PLEKHM2: variants seen among roughly 807,000 people sequenced by gnomAD.
PLEKHM2 encodes the protein pleckstrin homology domain-containing family M member 2.
In PLEKHM2, 77 loss-of-function variants were observed where a neutral mutation model predicts 116.3. The observed-to-expected ratio is 0.66, with a 90% CI of 0.55 to 0.80. The LOEUF (loss-of-function observed/expected upper bound fraction) is 0.80, where lower values mean the gene tolerates loss of function less well. PLEKHM2 is among the 30% of genes least tolerant of loss of function. The pLI is 0.00. For missense variants in PLEKHM2, 1,183 were observed against 1,354.9 expected, an observed-to-expected ratio of 0.87 and a Z score of 1.99; for synonymous variants, 562 against 571.0, an observed-to-expected ratio of 0.98 and a Z score of 0.22.
chr1:15,700,439 G>A (rs1011965311), intron 1 of PLEKHM2, among the ~76,000 whole-genome samples: 1 of 152,150 alleles, frequency 6.6e-6, no homozygotes, highest in Non-Finnish European at 1.5e-5. Flanking sequence ...GCTGGCCAGA[G>A]CTAGGGTGTG....
rs999644968 is a variant in PLEKHM2, at chr1:15,729,530, G to A, written c.2076-267G>A. Among the ~76,000 whole-genome samples the A allele has an allele frequency of 2.6e-5, 4 of 152,152 alleles. No individual in the cohort carries two copies. The highest frequency in any genetic ancestry group is 4.8e-5 in the African/African-American group (2 of 41,426). On this transcript the variant is annotated intron_variant, in intron 13 of 19. Transcript: ENST00000375799. This position sits in a 1 kb window ranked among gnomAD's most constrained non-coding sequence, Gnocchi z 4.7. ...GTGGCTCAAGGTCCCACCCGTTGAC[G>A]TCCTGCCCACCCTCTTTGTCTGTCT... is the stretch of plus-strand genomic sequence containing the variant.
chr1:15,698,551 T>TTC (rs1491053115), intron 1 of PLEKHM2, among the ~76,000 whole-genome samples: 90 of 73,366 alleles, frequency 1.2e-3, no homozygotes, highest in Middle Eastern at 6.5e-3. Context: ...CTTTCTTTCT[T>TTC]TTTTTTTTTT....
chr1:15,681,939 T>C (rs1263172394), upstream of PLEKHM2, among the ~76,000 whole-genome samples: 1 of 152,210 alleles, frequency 6.6e-6, no homozygotes, highest in East Asian at 1.9e-4. Flanking sequence ...ACATGATGGC[T>C]CATGCCCGTA....
At chr1:15,690,592 A>G (rs1456743388) in intron 1 of PLEKHM2, among the ~76,000 whole-genome samples, 3 of 152,200 alleles carry the variant, frequency 2.0e-5, no homozygotes, top group South Asian at 2.1e-4. Context: ...ATGTGTTCAT[A>G]TGAAAAAGTC....
intron 8 of PLEKHM2, among the ~76,000 whole-genome samples, chr1:15,726,410 C>G (rs993206341): frequency 2.0e-4 from 31 of 152,164 alleles, no homozygotes; most frequent in African/African-American, 7.2e-4. Context: ...GCTTGCTGGC[C>G]TGAGGCGGGG....
intron 1 of PLEKHM2, among the ~76,000 whole-genome samples, chr1:15,700,220 G>GT (rs1363131737): frequency 3.9e-5 from 6 of 152,090 alleles, no homozygotes; most frequent in African/African-American, 1.2e-4. Context: ...GCCCTGCTCA[G>GT]TTTTTTGTTT....
Position 15,684,571 on chromosome 1 carries a change from G to A in PLEKHM2, c.13G>A (p.Glu5Lys). The A allele has an allele frequency of 7.7e-7, 1 of 1,299,696 alleles. No homozygotes were observed. The highest frequency in any genetic ancestry group is 9.9e-7 in the Non-Finnish European group (1 of 1,009,124). 80.5% of individuals were successfully genotyped at this position (1,299,696 alleles called of 1,614,324 possible). ...CGGTGGCAGCGCCATGGAGCCGGGG[G>A]AGGTGAAGGACCGGATCCTGGAGAA... MEPG[E>K]VKDRILENIS... The change falls in exon 1 of 20, where the codon GAG (glutamate) becomes AAG (lysine). Residue 5 changes from glutamate (E) to lysine (K), a missense_variant. Physicochemically the swap from Glu to Lys is moderately conservative, Grantham distance 56. Transcript: ENST00000375799.
chr1:15,729,169 C>T lies in PLEKHM2; in HGVS notation c.2054C>T (p.Thr685Met), dbSNP rs1160636602. The T allele has an allele frequency of 5.8e-5, 94 of 1,611,236 alleles. No homozygotes were observed. The highest frequency in any genetic ancestry group is 7.0e-5 in the Non-Finnish European group (82 of 1,178,826). Residue 685 changes from threonine to methionine, a missense_variant, in exon 13 of 20, where the codon ACG (threonine) becomes ATG (methionine). By Grantham distance (81) the Thr-to-Met change is moderately conservative. Around this residue, in one of 3 missense-constraint regions of PLEKHM2, gnomAD observed 594 missense variants for 720.1 expected, o/e 0.82. Coordinates refer to ENST00000375799, the MANE Select transcript of PLEKHM2 (RefSeq NM_015164.4). The surrounding 1 kb of genome is among the most constrained non-coding windows in gnomAD (Gnocchi z 4.7). ...CGCAGGAAGCAGTTTCTGCTGGACA[C>T]GGCTGATGTGGCGCTGGCTGAGTGA... Reference protein sequence around the residue: ...TNRRKQFLLDTADVALAEFFL... With the variant: ...TNRRKQFLLDMADVALAEFFL...
intron 1 of PLEKHM2, among the ~76,000 whole-genome samples, chr1:15,686,918 G>A (rs1294689402): frequency 6.6e-6 from 1 of 152,070 alleles, no homozygotes; most frequent in African/African-American, 2.4e-5. Context: ...CCAAAGTGCT[G>A]GGATTACAGG....
chr1:15,687,486 T>A (rs923317999), intron 1 of PLEKHM2, among the ~76,000 whole-genome samples: 1 of 152,192 alleles, frequency 6.6e-6, no homozygotes, highest in African/African-American at 2.4e-5. Context: ...GTAGAGTGTT[T>A]AGCATGGATC....
intron 7 of PLEKHM2, among the ~76,000 whole-genome samples, 188 bp from the exon 8 acceptor site, chr1:15,725,129 T>C (rs2068045286): frequency 6.6e-6 from 1 of 152,196 alleles, no homozygotes; most frequent in South Asian, 2.1e-4. Context: ...TCCTTCCAAG[T>C]TGCTCCTAAA....
rs781036947 is a variant in PLEKHM2, at chr1:15,729,805, T to C, written c.2084T>C (p.Leu695Ser). Residue 695 changes from leucine to serine, a missense_variant, in exon 14 of 20, where the codon TTG becomes TCG. Around this residue, in one of 3 missense-constraint regions of PLEKHM2, gnomAD observed 594 missense variants for 720.1 expected, o/e 0.82. Coordinates refer to ENST00000375799, the MANE Select transcript of PLEKHM2 (RefSeq NM_015164.4). This position sits in a 1 kb window ranked among gnomAD's most constrained non-coding sequence, Gnocchi z 4.7. ...CCTCACTCCCTATGCAGGTTCTTTT[T>C]GGCTTCTTTGAAGTCAGCCATGATC... Reference protein sequence around the residue: ...TADVALAEFFLASLKSAMIKG... With the variant: ...TADVALAEFFSASLKSAMIKG... 15 of 1,612,132 alleles carry C rather than the reference T, an allele frequency of 9.3e-6. No individual in the cohort carries two copies. The highest frequency in any genetic ancestry group is 1.3e-5 in the Non-Finnish European group (15 of 1,179,246).
intron 1 of PLEKHM2, among the ~76,000 whole-genome samples, chr1:15,706,501 G>A (rs972301708): frequency 2.0e-5 from 3 of 152,082 alleles, no homozygotes; most frequent in Non-Finnish European, 2.9e-5. Flanking sequence ...TGCCTCCCAG[G>A]TTCAAATGAT....
chr1:15,727,275 C>T lies in PLEKHM2; in HGVS notation c.1203C>T (p.Thr401=), dbSNP rs780336784. The T allele has an allele frequency of 1.2e-6, 2 of 1,605,832 alleles. No individual in the cohort carries two copies. The highest frequency in any genetic ancestry group is 2.2e-5 in the South Asian group (2 of 89,650). ...TGCTGATCCCTGAGATGAAGGACAC[C>T]TCCATGGAGCGCTTGGGGCAGCCCC... ...PGLLIPEMKD[T]SMERLGQPLS... Residue 401 remains threonine (T), a synonymous_variant, in exon 9 of 20, where the codon ACC becomes ACT. Coordinates refer to ENST00000375799, the MANE Select transcript of PLEKHM2 (RefSeq NM_015164.4). This position sits in a 1 kb window ranked among gnomAD's most constrained non-coding sequence, Gnocchi z 7.5.
rs542815793 is a variant in PLEKHM2, at chr1:15,721,476, T to A, written c.712+88T>A. The A allele has an allele frequency of 8.1e-5, 61 of 752,660 alleles. 1 individual carries two copies. In the South Asian group the frequency reaches 9.4e-4, roughly 12 times the overall value. 46.6% of individuals were successfully genotyped at this position (752,660 alleles called of 1,614,324 possible). On this transcript the variant is annotated intron_variant, in intron 7 of 19. Transcript: ENST00000375799. The surrounding 1 kb of genome is among the most constrained non-coding windows in gnomAD (Gnocchi z 5.1). ...TGCATGTATCAAATCAGCTCCTTAT[T>A]ATTTATAATAATATCCATAATCATA...
At chr1:15,732,809 C>T (rs1009785244) in intron 19 of PLEKHM2, 81 bp downstream of exon 19, 3 of 948,432 alleles carry the variant, frequency 3.2e-6, no homozygotes, top group Non-Finnish European at 4.8e-6. Context: ...ACCCCTGCTG[C>T]TCCCAGGACT....
chr1:15,728,360 G>A lies in PLEKHM2; in HGVS notation c.1921+3G>A. 6.2e-7 allele frequency: 1 copy of A among 1,611,284 alleles called. No homozygotes were observed. Among genetic ancestry groups the A allele is most frequent in the Non-Finnish European group, 8.5e-7 (1 of 1,178,770 alleles). On this transcript the variant is annotated splice_donor_region_variant and intron_variant, in intron 11 of 19. Coordinates refer to ENST00000375799, the MANE Select transcript of PLEKHM2 (RefSeq NM_015164.4). This position sits in a 1 kb window ranked among gnomAD's most constrained non-coding sequence, Gnocchi z 5.9. ...CTATGTCTACCTGCTCCGGAAAGGT[G>A]CCCGCCGCCCCCGGGCAGACAGCGG...
intron 1 of PLEKHM2, among the ~76,000 whole-genome samples, chr1:15,707,810 C>T (rs958346601): frequency 7.9e-5 from 12 of 152,244 alleles, no homozygotes; most frequent in African/African-American, 2.7e-4. Flanking sequence ...CCTGGCTGCT[C>T]TCCTTGGTCT....
At chr1:15,682,438 G>A (rs1174212074), upstream of PLEKHM2, among the ~76,000 whole-genome samples, 1 of 144,478 alleles carries the variant, frequency 6.9e-6, no homozygotes, top group Non-Finnish European at 1.5e-5. Context: ...GTGACAGAGC[G>A]AGACTCCGCC....
Sources: gnomAD v4.1 joint callset for allele counts (sites outside exome capture counted in the v4.1 genomes callset) on GRCh38, gnomAD v4.1.1 for gene constraint, gnomAD v4.1.1 regional missense constraint, Gnocchi (gnomAD v3.1) non-coding constraint, MANE v1.5 for transcripts, NCBI Gene and HGNC (gene_info 2026-07-23, HGNC 2026-07-21) for gene names.